ABR: variants seen among roughly 807,000 people sequenced by gnomAD.
ABR encodes active breakpoint cluster region-related protein.
Under a neutral mutation model 107.2 loss-of-function variants are expected in ABR, and 35 were observed. The observed-to-expected ratio is 0.33, with a 90% CI of 0.25 to 0.43. The LOEUF (loss-of-function observed/expected upper bound fraction) is 0.43, where lower values mean the gene tolerates loss of function less well. ABR is among the 20% of genes least tolerant of loss of function. ABR has a pLI of 1.00. For synonymous variants in ABR, 498 were observed against 462.0 expected (o/e 1.08, Z -1.00); for missense variants, 815 against 1,115.2 (o/e 0.73, Z 3.83).
intron 16 of ABR, among the ~76,000 whole-genome samples, chr17:1,040,861 C>T (rs182748216): frequency 5.9e-4 from 90 of 152,326 alleles, no homozygotes; most frequent in African/African-American, 2.1e-3. Context: ...GACTCAGCCC[C>T]GCAAGATCTG....
intron 16 of ABR, among the ~76,000 whole-genome samples, chr17:1,024,622 C>CA (rs2072022031): frequency 6.6e-6 from 1 of 151,884 alleles, no homozygotes; most frequent in Non-Finnish European, 1.5e-5. Context: ...CTCGTCTTTA[C>CA]AAAAAATACA....
intron 3 of ABR, among the ~76,000 whole-genome samples, chr17:1,098,075 CTTTT>C (rs71372509): frequency 5.0e-5 from 7 of 140,654 alleles, no homozygotes; most frequent in Non-Finnish European, 7.8e-5. Flanking sequence ...GTTTTCTTTT[CTTTT>C]TTTTTTTTTT....
rs774603602 is a variant in ABR, at chr17:1,078,736, G to C, written c.700+594C>G. The stretch of plus-strand genomic sequence containing the variant: ...TTCCCTGCGGCCCTCTAACCTCCCC[G>C]GCCACATCTAAGCCCACTCCAGCCG... On this transcript the variant is annotated intron_variant, in intron 6 of 22. Coordinates refer to ENST00000302538, the MANE Select transcript of ABR (RefSeq NM_021962.5). The surrounding 1 kb of genome is among the most constrained non-coding windows in gnomAD (Gnocchi z 7.5). 1.4e-6 allele frequency: 2 copies of C among 1,449,922 alleles called. No homozygotes were observed. Among genetic ancestry groups the C allele is most frequent in the African/African-American group, 1.4e-5 (1 of 71,156 alleles). The allele number at this position is 1,449,922 out of a possible 1,614,324, so 89.8% of individuals were successfully genotyped here.
At chr17:1,147,175 C>T (rs1162794735) in intron 1 of ABR, among the ~76,000 whole-genome samples, 1 of 152,216 alleles carries the variant, frequency 6.6e-6, no homozygotes, top group East Asian at 1.9e-4. Flanking sequence ...ACAGCTCTTT[C>T]TCCCTTTCTC....
chr17:1,006,277 G>C, intron 22 of ABR, 108 bp from the exon 23 acceptor site: 1 of 1,019,240 alleles, frequency 9.8e-7, no homozygotes, highest in Non-Finnish European at 1.5e-6. Flanking sequence ...TCCGGCCACC[G>C]CCCCTTCCTG....
At chr17:1,039,981 C>T (rs951192914) in intron 16 of ABR, among the ~76,000 whole-genome samples, 1 of 152,150 alleles carries the variant, frequency 6.6e-6, no homozygotes, top group Non-Finnish European at 1.5e-5. Flanking sequence ...AAGGGAAAGG[C>T]CTGTGTTCCT....
chr17:1,133,543 G>A (rs1211559340), intron 1 of ABR, among the ~76,000 whole-genome samples: 1 of 152,004 alleles, frequency 6.6e-6, no homozygotes, highest in Non-Finnish European at 1.5e-5. Context: ...TGCAAAAAGA[G>A]ATTAATAACA....
intron 16 of ABR, among the ~76,000 whole-genome samples, chr17:1,042,458 C>T (rs76835473): frequency 6.2e-5 from 9 of 145,374 alleles, no homozygotes; most frequent in Admixed American, 4.8e-4. Context: ...GATAAACAGA[C>T]GTGGCAGCTA....
intron 1 of ABR, among the ~76,000 whole-genome samples, chr17:1,137,242 C>G (rs2040107993): frequency 6.6e-6 from 1 of 152,118 alleles, no homozygotes; most frequent in African/African-American, 2.4e-5. Flanking sequence ...TGGGGTTTCA[C>G]CATGTTGGCC....
chr17:1,175,314 A>AGGCAGGAGAATCGCTTGAACCGGGCT (rs2041879849), intron 1 of ABR, among the ~76,000 whole-genome samples: 1 of 152,170 alleles, frequency 6.6e-6, no homozygotes, highest in African/African-American at 2.4e-5. Context: ...CAGGAGGCTG[A>AGGCAGGAGAATCGCTTGAACCGGGCT]GGCAGGAGAA....
At chr17:1,220,230 G>T (rs2043093761) in intron 1 of ABR, among the ~76,000 whole-genome samples, 1 of 149,860 alleles carries the variant, frequency 6.7e-6, no homozygotes, top group Non-Finnish European at 1.5e-5. Flanking sequence ...GGCAGAGCTT[G>T]CAGTGAACCA....
chr17:1,050,229 C>A lies in ABR; in HGVS notation c.1660-48G>T, dbSNP rs760049175. On this transcript the variant is annotated intron_variant, in intron 15 of 22. Coordinates refer to ENST00000302538, the MANE Select transcript of ABR (RefSeq NM_021962.5). The surrounding 1 kb of genome is among the most constrained non-coding windows in gnomAD (Gnocchi z 4.6). ...GCCCTGAACCTCCGAAGCTGGGAGGCCTGGCTTTCCGGCAGGTGCGTGCCT... is the reference window on the plus strand; with the variant it reads ...GCCCTGAACCTCCGAAGCTGGGAGGACTGGCTTTCCGGCAGGTGCGTGCCT... The A allele has an allele frequency of 6.3e-7, 1 of 1,581,456 alleles. No individual in the cohort carries two copies. The highest frequency in any genetic ancestry group is 1.8e-5 in the Admixed American group (1 of 55,626).
At position 1,092,322 on chromosome 17, in the gene ABR, T is replaced by A. The variant is rs989736057; in HGVS notation, c.346-472A>T. On this transcript the variant is annotated intron_variant, in intron 3 of 22. Transcript: ENST00000302538. The surrounding 1 kb of genome is among the most constrained non-coding windows in gnomAD (Gnocchi z 4.6). ...GACCCGAAGTTACTCAAGACCAGTC[T>A]TGGCCTCACTGATGTTCCAAGTTCC... is the stretch of plus-strand genomic sequence containing the variant. Among the ~76,000 whole-genome samples, 10 of 152,158 alleles carry A rather than the reference T, an allele frequency of 6.6e-5. No homozygotes were observed. Among genetic ancestry groups the A allele is most frequent in the African/African-American group, 2.4e-4 (10 of 41,424 alleles).
At chr17:1,108,806 G>GA in intron 2 of ABR, 1 of 580,288 alleles carries the variant, frequency 1.7e-6, no homozygotes, top group Non-Finnish European at 2.4e-6. Context: ...AGCTGCCGGG[G>GA]CCGGGACCCT....
chr17:1,158,771 A>G (rs990828800), intron 1 of ABR, among the ~76,000 whole-genome samples: 1 of 152,188 alleles, frequency 6.6e-6, no homozygotes, highest in Non-Finnish European at 1.5e-5. Flanking sequence ...TTAAAAAAAA[A>G]AAAGGAATCA....
intron 1 of ABR, among the ~76,000 whole-genome samples, chr17:1,227,082 C>T (rs1365517182): frequency 1.3e-5 from 2 of 152,156 alleles, no homozygotes; most frequent in Non-Finnish European, 2.9e-5. Flanking sequence ...CCCCAGCTCA[C>T]GTCTGTAGTC....
intron 16 of ABR, among the ~76,000 whole-genome samples, chr17:1,036,421 G>A (rs1466498037): frequency 1.3e-5 from 2 of 149,848 alleles, no homozygotes; most frequent in African/African-American, 5.1e-5. Context: ...TCAGGGCACC[G>A]GCTGGGCATC....
upstream of ABR, chr17:1,182,240 G>A (rs551571823): frequency 6.6e-6 from 1 of 152,270 alleles, no homozygotes; most frequent in South Asian, 2.1e-4. Context: ...GAATGTCACT[G>A]TTATCTCTGT....
chr17:1,074,085 GA>G (rs1407033888), intron 6 of ABR, among the ~76,000 whole-genome samples: 1 of 149,916 alleles, frequency 6.7e-6, no homozygotes. Flanking sequence ...CAGGACCCCA[GA>G]ATCACACAGC....
Sources: gnomAD v4.1 joint callset for allele counts (sites outside exome capture counted in the v4.1 genomes callset) on GRCh38, gnomAD v4.1.1 for gene constraint, Gnocchi (gnomAD v3.1) non-coding constraint, MANE v1.5 for transcripts, NCBI Gene and HGNC (gene_info 2026-07-23, HGNC 2026-07-21) for gene names.